LRMDA: variants seen among roughly 807,000 people sequenced by gnomAD.
The protein encoded by LRMDA is leucine rich melanocyte differentiation associated.
Under a neutral mutation model 29.8 loss-of-function variants are expected in LRMDA, and 18 were observed. The ratio of observed to expected loss-of-function variants is 0.60; its 90% CI spans 0.42 to 0.90. The LOEUF (loss-of-function observed/expected upper bound fraction) is 0.90, where lower values mean the gene tolerates loss of function less well. Among genes scored for constraint, LRMDA ranks in the 40% least tolerant of loss-of-function variants. LRMDA has a pLI of 0.00. For synonymous variants in LRMDA, 125 were observed against 109.4 expected (o/e 1.14, Z -0.89); for missense variants, 273 against 273.9 (o/e 1.00, Z 0.02).
At chr10:75,618,831 C>A (rs944083842) in intron 2 of LRMDA, among the ~76,000 whole-genome samples, 8 of 147,812 alleles carry the variant, frequency 5.4e-5, no homozygotes, top group Non-Finnish European at 4.4e-5. Context: ...GGCTGGAGTG[C>A]AATGGCATGA....
At chr10:75,968,825 ATTGT>A (rs1476350826) in intron 2 of LRMDA, among the ~76,000 whole-genome samples, 3 of 152,316 alleles carry the variant, frequency 2.0e-5, no homozygotes, top group Non-Finnish European at 2.9e-5. Context: ...GAGTGGAAAA[ATTGT>A]TTGAACATGA....
chr10:75,672,179 T>C (rs1841898766), intron 2 of LRMDA, among the ~76,000 whole-genome samples: 2 of 152,142 alleles, frequency 1.3e-5, no homozygotes, highest in African/African-American at 4.8e-5. Flanking sequence ...GTTAGTGTAA[T>C]CTTATAATAG....
intron 6 of LRMDA, among the ~76,000 whole-genome samples, chr10:76,504,571 T>C (rs559836214): frequency 6.0e-4 from 92 of 152,246 alleles, no homozygotes; most frequent in Admixed American, 1.2e-3. Flanking sequence ...AATGTCCTTC[T>C]TTCTGCTTTT....
chr10:76,154,483 C>G (rs1007558509), intron 5 of LRMDA, among the ~76,000 whole-genome samples: 18 of 152,112 alleles, frequency 1.2e-4, no homozygotes, highest in Admixed American at 2.6e-4. Context: ...GGAGGTAGTC[C>G]TCTTTCATGA....
At chr10:76,140,527 C>G (rs553470673) in intron 5 of LRMDA, among the ~76,000 whole-genome samples, 1 of 152,220 alleles carries the variant, frequency 6.6e-6, no homozygotes, top group South Asian at 2.1e-4. Flanking sequence ...GGGTATCTCC[C>G]TTGTATAAAT....
At chr10:76,510,332 A>G (rs894103427) in intron 6 of LRMDA, among the ~76,000 whole-genome samples, 3 of 152,180 alleles carry the variant, frequency 2.0e-5, no homozygotes, top group African/African-American at 7.2e-5. Context: ...TGGCCTCCCA[A>G]AGTGCTGGGA....
intron 2 of LRMDA, among the ~76,000 whole-genome samples, chr10:75,676,056 T>A (rs750810747): frequency 8.5e-5 from 13 of 152,124 alleles, no homozygotes; most frequent in Non-Finnish European, 8.8e-5. Flanking sequence ...TTGGTGTCAC[T>A]CCCAGGTGTG....
In LRMDA at chr10:75,771,689, C is replaced by T. The variant is rs192314560; in HGVS notation, c.132-264319C>T. On this transcript the variant is annotated intron_variant, in intron 2 of 6. Coordinates refer to ENST00000611255, the MANE Select transcript of LRMDA (RefSeq NM_001305581.2). ...AGATTTGAGTATGGATCTTGGATGG[C>T]CTTCTGTTTCTGCTTTCAGACTTTC... 4.6e-5 allele frequency among the ~76,000 whole-genome samples: 7 copies of T among 152,138 alleles called. 1 individual carries two copies. Among genetic ancestry groups the T allele is most frequent in the Admixed American group, 3.9e-4 (6 of 15,266 alleles).
rs192993407 is a variant in LRMDA at position 76,416,950 on chromosome 10, C to T, written c.601+92465C>T. On this transcript the variant is annotated intron_variant, in intron 6 of 6. Coordinates refer to ENST00000611255, the MANE Select transcript of LRMDA (RefSeq NM_001305581.2). The stretch of plus-strand genomic sequence containing the variant: ...ATGTATAAGCACTATCTATGATGGA[C>T]GAGGCATAGTGCATCTCCTAGGCCG... Among the ~76,000 whole-genome samples the T allele has an allele frequency of 7.9e-5, 12 of 152,294 alleles. 2 individuals carry two copies. The highest frequency in any genetic ancestry group is 2.4e-4 in the African/African-American group (10 of 41,562).
chr10:76,058,571 C>A, intron 4 of LRMDA, 95 bp from the exon 5 acceptor site: 2 of 1,001,768 alleles, frequency 2.0e-6, no homozygotes, highest in Non-Finnish European at 3.2e-6. Flanking sequence ...TCCAGAAGAC[C>A]GGATGGTGTG....
intron 6 of LRMDA, among the ~76,000 whole-genome samples, 187 bp from the exon 7 acceptor site, chr10:76,557,022 C>G (rs1415356179): frequency 6.6e-6 from 1 of 152,194 alleles, no homozygotes; most frequent in African/African-American, 2.4e-5. Flanking sequence ...TCAATGTCAA[C>G]TCTGAGGTTG....
intron 2 of LRMDA, among the ~76,000 whole-genome samples, chr10:75,740,914 C>CAT (rs146363680): frequency 1.9e-3 from 282 of 149,628 alleles, no homozygotes; most frequent in South Asian, 3.0e-3. Flanking sequence ...GCCTGTCATT[C>CAT]ATATATATAT....
chr10:75,950,235 C>G (rs1288725308), intron 2 of LRMDA, among the ~76,000 whole-genome samples: 1 of 152,190 alleles, frequency 6.6e-6, no homozygotes, highest in Non-Finnish European at 1.5e-5. Flanking sequence ...GCCCTTCTTT[C>G]CCTCTCTGTA....
At chr10:76,010,592 G>A (rs369108448) in intron 2 of LRMDA, among the ~76,000 whole-genome samples, 18 of 152,260 alleles carry the variant, frequency 1.2e-4, no homozygotes, top group African/African-American at 3.9e-4. Context: ...GATTACAGGC[G>A]TGAGCCACTG....
chr10:75,614,149 G>A (rs764252992), intron 2 of LRMDA, among the ~76,000 whole-genome samples: 2 of 151,874 alleles, frequency 1.3e-5, no homozygotes, highest in Admixed American at 6.6e-5. Flanking sequence ...TCCCTCTCTC[G>A]TTCTTTCTCA....
At chr10:75,947,550 C>A (rs1192232228) in intron 2 of LRMDA, among the ~76,000 whole-genome samples, 1 of 152,212 alleles carries the variant, frequency 6.6e-6, no homozygotes, top group African/African-American at 2.4e-5. Flanking sequence ...CCCTTGGGTA[C>A]TGATGAGCCT....
chr10:76,359,888 G>A (rs1387695383), intron 6 of LRMDA, among the ~76,000 whole-genome samples: 6 of 152,168 alleles, frequency 3.9e-5, no homozygotes, highest in African/African-American at 9.7e-5. Flanking sequence ...ATAGCAGCAA[G>A]TTTTACCTTT....
At chr10:75,564,610 C>T (rs1840346533) in intron 2 of LRMDA, among the ~76,000 whole-genome samples, 1 of 152,248 alleles carries the variant, frequency 6.6e-6, no homozygotes. Flanking sequence ...ATGCAGAAAT[C>T]ACCCATCTTC....
chr10:76,010,262 T>C (rs1847752681), intron 2 of LRMDA, among the ~76,000 whole-genome samples: 1 of 151,864 alleles, frequency 6.6e-6, no homozygotes, highest in African/African-American at 2.4e-5. Context: ...GGTATTTCCC[T>C]AAGTGCCAGG....
Sources: allele counts gnomAD v4.1 joint callset (sites outside exome capture counted in the v4.1 genomes callset), GRCh38; gene constraint gnomAD v4.1.1; transcripts MANE v1.5; gene names NCBI Gene and HGNC (gene_info 2026-07-23, HGNC 2026-07-21).